Variants in FAM184B observed in about 807,000 individuals in gnomAD.
The protein encoded by FAM184B is family with sequence similarity 184 member B.
In FAM184B, 111 loss-of-function variants were observed where a neutral mutation model predicts 135.9. That is an observed-to-expected ratio of 0.82 (90% CI 0.70 to 0.96). The LOEUF is 0.96. Ranked by LOEUF, FAM184B falls within the 40% of genes least tolerant of loss-of-function variation. The pLI is 0.00. For synonymous variants in FAM184B, 552 were observed against 524.8 expected (o/e 1.05, Z -0.71); for missense variants, 1,375 against 1,323.9 (o/e 1.04, Z -0.60).
intron 12 of FAM184B, among the ~76,000 whole-genome samples, chr4:17,643,267 C>T (rs1446089421): frequency 6.6e-6 from 1 of 152,210 alleles, no homozygotes; most frequent in Admixed American, 6.5e-5. Context: ...CTTGGGCCTG[C>T]AGCCTGGCAT....
At chr4:17,693,621 G>A (rs779832078) in intron 5 of FAM184B, among the ~76,000 whole-genome samples, 11 of 152,098 alleles carry the variant, frequency 7.2e-5, no homozygotes, top group South Asian at 2.1e-4. Flanking sequence ...GGGGTGGGGC[G>A]GGGCAAATTG....
chr4:17,657,655 C>CTCT (rs1715806870), intron 10 of FAM184B, among the ~76,000 whole-genome samples: 1 of 114,470 alleles, frequency 8.7e-6, no homozygotes, highest in African/African-American at 3.4e-5. Flanking sequence ...CTGAGCTGTT[C>CTCT]TTTTTTTTTT....
intron 7 of FAM184B, 65 bp from the exon 8 acceptor site, chr4:17,664,724 A>G: frequency 7.6e-7 from 1 of 1,313,200 alleles, no homozygotes; most frequent in South Asian, 1.4e-5. Flanking sequence ...CAGCTTCATG[A>G]TTCAACCTGT....
intron 5 of FAM184B, among the ~76,000 whole-genome samples, chr4:17,699,791 C>A (rs1273515347): frequency 6.6e-6 from 1 of 151,976 alleles, no homozygotes; most frequent in Non-Finnish European, 1.5e-5. Context: ...GAAAATGACC[C>A]TTTTTTCTCA....
rs566060937 is a variant in FAM184B at position 17,635,930 on chromosome 4, A to G, written c.2784+598T>C. On this transcript the variant is annotated intron_variant, in intron 15 of 17. Coordinates refer to ENST00000265018, the MANE Select transcript of FAM184B (RefSeq NM_015688.2). ...CAAAAAGAAGATCAACAATAAAAAC[A>G]CTAATTCTACTACAATTCAAACCTA... Among the ~76,000 whole-genome samples, 12 of 152,296 alleles carry G rather than the reference A, an allele frequency of 7.9e-5. No homozygotes were observed. The East Asian group carries it at 1.9e-3, about 24-fold the overall frequency.
At chr4:17,684,936 A>G (rs1716542393) in intron 7 of FAM184B, among the ~76,000 whole-genome samples, 1 of 152,164 alleles carries the variant, frequency 6.6e-6, no homozygotes, top group Non-Finnish European at 1.5e-5. Flanking sequence ...GCAAACTAAC[A>G]CACGAACAGA....
rs557465144 is a variant in FAM184B at position 17,730,479 on chromosome 4, T to A, written c.142-20835A>T. Among the ~76,000 whole-genome samples, 42 of 152,086 alleles carry A rather than the reference T, an allele frequency of 2.8e-4. No homozygotes were observed. The South Asian group carries it at 8.1e-3, about 29-fold the overall frequency. ...ACATAATTGTCAGATTCACCAAAGTTGAAATGAAGGAAAAAATGTTAAGGG... is the reference window on the plus strand; with the variant it reads ...ACATAATTGTCAGATTCACCAAAGTAGAAATGAAGGAAAAAATGTTAAGGG... On this transcript the variant is annotated intron_variant, in intron 1 of 17. Coordinates refer to ENST00000265018, the MANE Select transcript of FAM184B (RefSeq NM_015688.2).
Position 17,634,001 on chromosome 4 carries a change from C to T in FAM184B, c.2890-113G>A, listed in dbSNP as rs562811677. The T allele has an allele frequency of 1.6e-5, 13 of 826,312 alleles. No homozygotes were observed. In the South Asian group the frequency reaches 3.1e-4, roughly 20 times the overall value. 51.2% of individuals were successfully genotyped at this position (826,312 alleles called of 1,614,324 possible). On this transcript the variant is annotated intron_variant, in intron 16 of 17. Coordinates refer to ENST00000265018, the MANE Select transcript of FAM184B (RefSeq NM_015688.2). Reference sequence around the variant, plus strand: ...CAAAATTGTATCGGAGAAGAAGCAACAATTTCATTTATACACTTACATGCT... The same window carrying T: ...CAAAATTGTATCGGAGAAGAAGCAATAATTTCATTTATACACTTACATGCT...
intron 1 of FAM184B, among the ~76,000 whole-genome samples, chr4:17,734,464 T>A (rs1457925341): frequency 1.3e-5 from 2 of 152,040 alleles, no homozygotes; most frequent in Admixed American, 6.6e-5. Flanking sequence ...GAATCTACAA[T>A]GAACTCAAAC....
At chr4:17,641,940 T>C (rs1715329292) in intron 13 of FAM184B, 116 bp downstream of exon 13, 2 of 1,385,588 alleles carry the variant, frequency 1.4e-6, no homozygotes, top group African/African-American at 3.1e-5. Flanking sequence ...TGGGGCAGGA[T>C]GCCGAGGCAG....
intron 11 of FAM184B, 81 bp from the exon 12 acceptor site, chr4:17,647,872 G>T: frequency 7.1e-7 from 1 of 1,416,378 alleles, no homozygotes. Context: ...TCTCTGGGGT[G>T]GGGTTGGATG....
At chr4:17,756,966 A>G (rs1202233582) in intron 1 of FAM184B, among the ~76,000 whole-genome samples, 1 of 152,158 alleles carries the variant, frequency 6.6e-6, no homozygotes, top group Non-Finnish European at 1.5e-5. Flanking sequence ...GGAAGTCATT[A>G]TTTTGCAACC....
chr4:17,678,557 T>C (rs1577257396), intron 7 of FAM184B, among the ~76,000 whole-genome samples: 1 of 151,988 alleles, frequency 6.6e-6, no homozygotes, highest in Non-Finnish European at 1.5e-5. Flanking sequence ...ACACATCCCA[T>C]AGTCAGGAAT....
At chr4:17,679,366 A>G (rs974945838) in intron 7 of FAM184B, among the ~76,000 whole-genome samples, 2 of 152,206 alleles carry the variant, frequency 1.3e-5, no homozygotes, top group Admixed American at 6.5e-5. Flanking sequence ...TAAGGACATG[A>G]ATAGACAATT....
At chr4:17,768,273 G>T (rs1298732977) in intron 1 of FAM184B, among the ~76,000 whole-genome samples, 1 of 152,148 alleles carries the variant, frequency 6.6e-6, no homozygotes, top group African/African-American at 2.4e-5. Context: ...ATAGTTTTCT[G>T]AACCCCACCC....
At chr4:17,647,885 G>A (rs1426174365) in intron 11 of FAM184B, 94 bp from the exon 12 acceptor site, 46 of 1,387,256 alleles carry the variant, frequency 3.3e-5, no homozygotes, top group Middle Eastern at 2.3e-4. Context: ...GTTGGATGAC[G>A]TGGGTGGCTG....
intron 1 of FAM184B, among the ~76,000 whole-genome samples, chr4:17,764,046 A>G (rs1261853674): frequency 1.3e-5 from 2 of 152,130 alleles, no homozygotes; most frequent in Non-Finnish European, 2.9e-5. Flanking sequence ...ATCACCCACA[A>G]ATATTTCTGT....
chr4:17,670,678 A>G (rs1455656911), intron 7 of FAM184B, among the ~76,000 whole-genome samples: 1 of 152,256 alleles, frequency 6.6e-6, no homozygotes, highest in African/African-American at 2.4e-5. Context: ...TCATGGATGC[A>G]TATGGCTCTA....
rs1380685681 is a variant in FAM184B, at chr4:17,709,036, C to A, written c.750G>T (p.Lys250Asn). Residue 250 changes from lysine (K) to asparagine (N), a missense_variant, in exon 2 of 18, where the codon AAG (lysine) becomes AAT (asparagine). By Grantham distance (94) the Lys-to-Asn change is moderately conservative (BLOSUM62 0). Transcript: ENST00000265018. ...VSQALWQWQE[K>N]ESDLRKNFQV... The stretch of plus-strand genomic sequence containing the variant: ...GGAAGTTCTTGCGGAGGTCCGACTC[C>A]TTCTCCTGCCACTGCCACAGGGCCT... The A allele has an allele frequency of 5.8e-6, 9 of 1,550,114 alleles. No individual in the cohort carries two copies. The African/African-American group carries it at 1.2e-4, about 21-fold the overall frequency.
Sources: gnomAD v4.1 joint callset for allele counts (sites outside exome capture counted in the v4.1 genomes callset) on GRCh38, gnomAD v4.1.1 for gene constraint, MANE v1.5 for transcripts, NCBI Gene and HGNC (gene_info 2026-07-23, HGNC 2026-07-21) for gene names.